The following RAPGEF4 variants were observed in gnomAD, a reference collection of about 807,000 sequenced individuals.
RAPGEF4 encodes RAP guanine-nucleotide-exchange factor (GEF) 4.
In RAPGEF4, 66 loss-of-function variants were observed where a neutral mutation model predicts 147.9. That is an observed-to-expected ratio of 0.45 (90% CI 0.37 to 0.55). RAPGEF4 has a LOEUF of 0.55. RAPGEF4 is among the 20% of genes least tolerant of loss of function. The probability of loss-of-function intolerance (pLI) is 0.00; values close to 1 mark genes in which losing one functional copy is unlikely to be tolerated. For missense variants in RAPGEF4, 1,071 were observed against 1,257.3 expected (o/e 0.85, Z 2.24); for synonymous variants, 419 against 442.7 (o/e 0.95, Z 0.67).
chr2:172,819,904 A>T (rs1256782922), intron 4 of RAPGEF4, among the ~76,000 whole-genome samples: 2 of 152,228 alleles, frequency 1.3e-5, no homozygotes, highest in Non-Finnish European at 2.9e-5. Flanking sequence ...TTATATTAAT[A>T]GTTGATCTAA....
rs369456567 is a variant in RAPGEF4, at chr2:172,967,437, C to A, written c.997C>A (p.Arg333Ser). 2.4e-5 allele frequency: 38 copies of A among 1,610,652 alleles called. No individual in the cohort carries two copies. The highest frequency in any genetic ancestry group is 4.5e-4 in the Middle Eastern group (2 of 4,448). The change falls in exon 10 of 31, where the codon CGC becomes AGC. Residue 333 changes from arginine to serine, a missense_variant. Arg to Ser is a moderately radical substitution (Grantham distance 110). Transcript: ENST00000397081. ...GPDAHMRMIL[R>S]KPPGQRTVDD... ...CGACGCCCACATGAGGATGATCCTT[C>A]GCAAACCGTGAGTGAGAGCTCGTGG...
In RAPGEF4 at chr2:173,036,711, CCT is replaced by C. The variant is rs750303792; in HGVS notation, c.2853+20_2853+21del. 15 of 1,536,906 alleles carry C rather than the reference CCT, an allele frequency of 9.8e-6. No individual in the cohort carries two copies. The East Asian group carries it at 1.1e-4, about 12-fold the overall frequency. On this transcript the variant is annotated intron_variant, in intron 29 of 30. Transcript: ENST00000397081. ...AAAAATGGTATGTGCAGTATTATAACCTTAACCACAATGTGTTTTTAAAATAA... is the reference window on the plus strand; with the variant it reads ...AAAAATGGTATGTGCAGTATTATAACTAACCACAATGTGTTTTTAAAATAA...
chr2:172,808,695 C>T (rs1574907315), intron 3 of RAPGEF4, among the ~76,000 whole-genome samples: 1 of 152,144 alleles, frequency 6.6e-6, no homozygotes, highest in East Asian at 1.9e-4. Flanking sequence ...AATGATATTA[C>T]AAGTAAGATT....
At chr2:173,028,167 A>G (rs1264508016) in intron 25 of RAPGEF4, among the ~76,000 whole-genome samples, 1 of 152,230 alleles carries the variant, frequency 6.6e-6, no homozygotes, top group Non-Finnish European at 1.5e-5. Flanking sequence ...TTGAGGGTTC[A>G]ATAGAATACC....
chr2:172,984,391 A>G (rs898244134), intron 11 of RAPGEF4, among the ~76,000 whole-genome samples: 11 of 152,160 alleles, frequency 7.2e-5, no homozygotes, highest in African/African-American at 2.4e-4. Flanking sequence ...GCTGTTGGGG[A>G]TAAGTTCAGG....
chr2:172,962,717 G>C (rs1341095263), intron 8 of RAPGEF4, among the ~76,000 whole-genome samples: 3 of 152,084 alleles, frequency 2.0e-5, no homozygotes, highest in African/African-American at 7.2e-5. Context: ...TTGAGAAAGT[G>C]CCTTAGTGTC....
At chr2:172,994,587 C>T (rs1036984584) in intron 15 of RAPGEF4, among the ~76,000 whole-genome samples, 2 of 152,338 alleles carry the variant, frequency 1.3e-5, no homozygotes, top group African/African-American at 4.8e-5. Context: ...AGTAAACATT[C>T]GACAGATGTT....
At chr2:173,012,712 C>T (rs2105878207) in intron 17 of RAPGEF4, among the ~76,000 whole-genome samples, 1 of 152,206 alleles carries the variant, frequency 6.6e-6, no homozygotes, top group East Asian at 1.9e-4. Flanking sequence ...GTGACTTACA[C>T]AATATCACAT....
intron 3 of RAPGEF4, among the ~76,000 whole-genome samples, chr2:172,813,402 C>T (rs1688201435): frequency 6.6e-6 from 1 of 152,172 alleles, no homozygotes; most frequent in African/African-American, 2.4e-5. Flanking sequence ...TTTTTTGGTA[C>T]ACCTTAAGAA....
chr2:172,800,748 A>G (rs1686893172), intron 3 of RAPGEF4, among the ~76,000 whole-genome samples: 1 of 152,206 alleles, frequency 6.6e-6, no homozygotes, highest in Non-Finnish European at 1.5e-5. Flanking sequence ...AAGTGAGTAG[A>G]CGAGGTACAC....
intron 1 of RAPGEF4, among the ~76,000 whole-genome samples, chr2:172,753,252 T>C (rs1695456833): frequency 6.6e-6 from 1 of 151,992 alleles, no homozygotes; most frequent in South Asian, 2.1e-4. Flanking sequence ...ATTAATCACC[T>C]TTAGGGAAAT....
chr2:172,809,732 T>C (rs927499553), intron 3 of RAPGEF4, among the ~76,000 whole-genome samples: 5 of 152,114 alleles, frequency 3.3e-5, no homozygotes, highest in Non-Finnish European at 7.4e-5. Flanking sequence ...GGGGTCTCAC[T>C]ATGTTGCCCA....
At chr2:172,886,760 AT>A (rs146421699) in intron 4 of RAPGEF4, among the ~76,000 whole-genome samples, 12 of 141,224 alleles carry the variant, frequency 8.5e-5, no homozygotes, top group South Asian at 6.7e-4. Context: ...AGATTTTACT[AT>A]TTTTTTTTCT....
At chr2:172,918,598 C>A (rs1349301692) in intron 5 of RAPGEF4, among the ~76,000 whole-genome samples, 1 of 152,260 alleles carries the variant, frequency 6.6e-6, no homozygotes, top group Admixed American at 6.5e-5. Flanking sequence ...CTGTGGTATT[C>A]TTCTCTAGTG....
At chr2:172,973,834 GC>G (rs1482340713) in intron 10 of RAPGEF4, among the ~76,000 whole-genome samples, 1 of 152,174 alleles carries the variant, frequency 6.6e-6, no homozygotes, top group Non-Finnish European at 1.5e-5. Context: ...TGAAATGACA[GC>G]CTTTGAGATA....
chr2:173,015,338 T>C (rs1695409483), intron 18 of RAPGEF4, among the ~76,000 whole-genome samples: 1 of 152,220 alleles, frequency 6.6e-6, no homozygotes. Context: ...GCTCAATTAG[T>C]CGCTCTCCCC....
intron 16 of RAPGEF4, among the ~76,000 whole-genome samples, chr2:172,997,437 G>C (rs556103949): frequency 1.3e-5 from 2 of 151,492 alleles, no homozygotes; most frequent in Admixed American, 1.3e-4. Flanking sequence ...AGATACTGGA[G>C]GTTAGTTCTT....
At chr2:172,772,668 AGTTT>A (rs1683743992) in intron 1 of RAPGEF4, among the ~76,000 whole-genome samples, 8 of 152,202 alleles carry the variant, frequency 5.3e-5, no homozygotes, top group Admixed American at 5.2e-4. Context: ...AAATGAAATG[AGTTT>A]GTTTAAGGAC....
intron 1 of RAPGEF4, among the ~76,000 whole-genome samples, chr2:172,776,390 T>TG (rs1446460548): frequency 1.3e-5 from 2 of 152,356 alleles, no homozygotes; most frequent in East Asian, 3.9e-4. Flanking sequence ...AAAGCATTTG[T>TG]GGCCATCTTT....
Sources: gnomAD v4.1 joint callset for allele counts (sites outside exome capture counted in the v4.1 genomes callset) on GRCh38, gnomAD v4.1.1 for gene constraint, MANE v1.5 for transcripts, NCBI Gene and HGNC (gene_info 2026-07-23, HGNC 2026-07-21) for gene names.